The following AMER1 variants were observed in gnomAD, a reference collection of about 807,000 sequenced individuals.
AMER1 encodes the protein APC membrane recruitment protein 1.
In AMER1, 16 loss-of-function variants were observed where a neutral mutation model predicts 53.0. The ratio of observed to expected loss-of-function variants is 0.30; its 90% CI spans 0.20 to 0.46. The LOEUF is 0.46. AMER1 is among the 20% of genes least tolerant of loss of function. The pLI, the probability that AMER1 is intolerant of heterozygous loss-of-function variation, is 1.00. For synonymous variants in AMER1, 354 were observed against 331.9 expected (o/e 1.07, Z -0.73); for missense variants, 947 against 884.9 (o/e 1.07, Z -0.89).
rs1451705051 is a variant in AMER1, at chrX:64,188,820, T to C, written c.*1059A>G. The stretch of plus-strand genomic sequence containing the variant: ...CACTCCACAAAAACCCCAGCCCCTA[T>C]AGTCAAGCCTAATTTAGGTTGCTTC... On this transcript the variant is annotated 3_prime_UTR_variant, in exon 2 of 2. Coordinates refer to ENST00000374869, the MANE Select transcript of AMER1 (RefSeq NM_152424.4). 10 of 803,962 alleles carry C rather than the reference T, an allele frequency of 1.2e-5. No individual in the cohort carries two copies. The highest frequency in any genetic ancestry group is 7.0e-5 in the East Asian group (1 of 14,185). 66.3% of individuals were successfully genotyped at this position (803,962 alleles called of 1,213,427 possible). A position where few individuals can be genotyped will look rare whatever the true frequency, so the allele number is the denominator to read the frequency against.
At position 64,189,793 on chromosome X, in the gene AMER1, A is replaced by AGGGGCCCCCCCCCC; in HGVS notation, c.*85_*86insGGGGGGGGGGCCCC. 3.4e-6 allele frequency: 1 copy of AGGGGCCCCCCCCCC among 292,074 alleles called. No homozygotes were observed. Among genetic ancestry groups the AGGGGCCCCCCCCCC allele is most frequent in the Non-Finnish European group, 4.9e-6 (1 of 204,832 alleles). The allele number at this position is 292,074 out of a possible 1,213,427, so 24.1% of individuals were successfully genotyped here. A position where few individuals can be genotyped will look rare whatever the true frequency, so the allele number is the denominator to read the frequency against. ...CAAAGGGTTTTCAAGTTAAACAACAACCCCCACCCCCCCACCCTTCTGCCC... is the reference window on the plus strand; with the variant it reads ...CAAAGGGTTTTCAAGTTAAACAACAAGGGGCCCCCCCCCCCCCCCACCCCCCCACCCTTCTGCCC... On this transcript the variant is annotated 3_prime_UTR_variant, in exon 2 of 2. Transcript: ENST00000374869.
Position 64,188,535 on chromosome X carries a change from T to G in AMER1, c.*1344A>C. 2.5e-6 allele frequency: 2 copies of G among 804,563 alleles called. No individual in the cohort carries two copies. The highest frequency in any genetic ancestry group is 3.0e-6 in the Non-Finnish European group (2 of 670,233). The allele number at this position is 804,563 out of a possible 1,213,427, so 66.3% of individuals were successfully genotyped here. ...TGATGATGCTAAGGACTCGGCTAAT[T>G]GGAAGATAAAAGCTCTTTAAAGGGC... On this transcript the variant is annotated 3_prime_UTR_variant, in exon 2 of 2. Transcript: ENST00000374869.
Position 64,189,685 on chromosome X carries a change from C to G in AMER1, c.*194G>C, listed in dbSNP as rs1158200336. On this transcript the variant is annotated 3_prime_UTR_variant, in exon 2 of 2. Coordinates refer to ENST00000374869, the MANE Select transcript of AMER1 (RefSeq NM_152424.4). ...CAGCAGCAGCCTCCCTGGGCAGATG[C>G]ACTTGAGTTGAACGTGGCCATAGAT... is the stretch of plus-strand genomic sequence containing the variant. 9 of 1,080,072 alleles carry G rather than the reference C, an allele frequency of 8.3e-6. No homozygotes were observed. In the African/African-American group the frequency reaches 1.2e-4, roughly 14 times the overall value. 89.0% of individuals were successfully genotyped at this position (1,080,072 alleles called of 1,213,427 possible).
At position 64,189,793 on chromosome X, in the gene AMER1, A is replaced by AGGGGGGGGGGCCCCC; in HGVS notation, c.*85_*86insGGGGGCCCCCCCCCC. 1 of 292,073 alleles carries AGGGGGGGGGGCCCCC rather than the reference A, an allele frequency of 3.4e-6. No homozygotes were observed. Among genetic ancestry groups the AGGGGGGGGGGCCCCC allele is most frequent in the Non-Finnish European group, 4.9e-6 (1 of 204,831 alleles). 24.1% of individuals were successfully genotyped at this position (292,073 alleles called of 1,213,427 possible). The stretch of plus-strand genomic sequence containing the variant: ...CAAAGGGTTTTCAAGTTAAACAACA[A>AGGGGGGGGGGCCCCC]CCCCCACCCCCCCACCCTTCTGCCC... On this transcript the variant is annotated 3_prime_UTR_variant, in exon 2 of 2. Transcript: ENST00000374869.
In AMER1 at chrX:64,191,328, C is replaced by T. The variant is rs2147087059; in HGVS notation, c.1959G>A (p.Glu653=). 1 of 1,211,839 alleles carries T rather than the reference C, an allele frequency of 8.3e-7. No individual in the cohort carries two copies. The highest frequency in any genetic ancestry group is 1.8e-5 in the South Asian group (1 of 56,947). The change falls in exon 2 of 2, where the codon GAG becomes GAA. Residue 653 remains glutamate (E), a synonymous_variant. Transcript: ENST00000374869. ...ATGGGCCTAAGGGCCTCATCTGATA[C>T]TCTAAGACGGGCTTCTCCTGCCGGG... The part of the protein sequence containing the change: ...TQARQEKPVL[E]YQMRPLGPSV...
In AMER1 at chrX:64,189,120, A is replaced by AG. The variant is rs11380304; in HGVS notation, c.*758dup. On this transcript the variant is annotated 3_prime_UTR_variant, in exon 2 of 2. Coordinates refer to ENST00000374869, the MANE Select transcript of AMER1 (RefSeq NM_152424.4). ...TCTTTAACCCAAGCTATGGCAGGAC[A>AG]GTTAAAAGGCCCCCATCTGGTCATG... 50,924 of 796,794 alleles carry AG rather than the reference A, an allele frequency of 0.064. 11,975 individuals are homozygous for AG. In the African/African-American group the frequency reaches 0.83, roughly 13 times the overall value. 65.7% of individuals were successfully genotyped at this position (796,794 alleles called of 1,213,427 possible).
rs779310326 is a variant in AMER1, at chrX:64,192,658, G to A, written c.629C>T (p.Ser210Leu). 8.6e-7 allele frequency: 1 copy of A among 1,166,298 alleles called. No homozygotes were observed. Among genetic ancestry groups the A allele is most frequent in the South Asian group, 2.0e-5 (1 of 48,841 alleles). ...CTCAAAGCAGGGCACCTGAGGGGCT[G>A]AGCTCACGTGCTCATGAGGCCTGGC... The part of the protein sequence containing the change: ...VRARPHEHVS[S>L]APQVPCFEET... The change falls in exon 2 of 2, where the codon TCA (serine) becomes TTA (leucine). Residue 210 changes from serine to leucine, a missense_variant. Physicochemically the swap from Ser to Leu is moderately radical, Grantham distance 145. Coordinates refer to ENST00000374869, the MANE Select transcript of AMER1 (RefSeq NM_152424.4).
rs140017010 is a variant in AMER1, at chrX:64,188,342, G to A, written c.*1537C>T. 2.8e-4 allele frequency: 227 copies of A among 800,777 alleles called. No individual in the cohort carries two copies. In the East Asian group the frequency reaches 0.013, roughly 47 times the overall value. 66.0% of individuals were successfully genotyped at this position (800,777 alleles called of 1,213,427 possible). On this transcript the variant is annotated 3_prime_UTR_variant, in exon 2 of 2. Coordinates refer to ENST00000374869, the MANE Select transcript of AMER1 (RefSeq NM_152424.4). ...GAACCCTCTCCTACAGGTGATTAAT[G>A]AGAGGTTGAGCTTGGCAAGATTAGC...
rs929450435 is a variant in AMER1, at chrX:64,193,360, C to T, written c.-74G>A. The T allele has an allele frequency of 5.0e-6, 6 of 1,197,097 alleles. No individual in the cohort carries two copies. The highest frequency in any genetic ancestry group is 6.8e-6 in the Non-Finnish European group (6 of 886,659). On this transcript the variant is annotated 5_prime_UTR_variant, in exon 2 of 2. The change abolishes the stop of an existing upstream ORF in the 5' untranslated region. Transcript: ENST00000374869. ...CTTCCAGGCACTGTTATAACATTAT[C>T]AGTCAGGAAGCATCACAGTGGGGTC...
At chrX:64,205,142 G>A (rs1930571309) in intron 1 of AMER1, among the ~76,000 whole-genome samples, 1 of 113,805 alleles carries the variant, frequency 8.8e-6, no homozygotes, top group South Asian at 3.5e-4. Flanking sequence ...AGAGAGGGGT[G>A]AGCGGTACCC....
Position 64,187,348 on chromosome X carries a change from G to T in AMER1, c.*2531C>A, listed in dbSNP as rs1196339728. 1.3e-6 allele frequency: 1 copy of T among 791,210 alleles called. No homozygotes were observed. Among genetic ancestry groups the T allele is most frequent in the African/African-American group, 2.2e-5 (1 of 44,959 alleles). 65.2% of individuals were successfully genotyped at this position (791,210 alleles called of 1,213,427 possible). On this transcript the variant is annotated 3_prime_UTR_variant, in exon 2 of 2. Transcript: ENST00000374869. ...TTCCTGGGCTGGCTAGGGCAGTGAA[G>T]GGACTTGCAGGCAGCAAGGCTGTCC... is the stretch of plus-strand genomic sequence containing the variant.
Position 64,189,793 on chromosome X carries a change from A to ACCCG in AMER1, c.*85_*86insCGGG. 6.8e-6 allele frequency: 2 copies of ACCCG among 292,071 alleles called. No individual in the cohort carries two copies. The highest frequency in any genetic ancestry group is 9.8e-6 in the Non-Finnish European group (2 of 204,829). 24.1% of individuals were successfully genotyped at this position (292,071 alleles called of 1,213,427 possible). The stretch of plus-strand genomic sequence containing the variant: ...CAAAGGGTTTTCAAGTTAAACAACA[A>ACCCG]CCCCCACCCCCCCACCCTTCTGCCC... On this transcript the variant is annotated 3_prime_UTR_variant, in exon 2 of 2. Transcript: ENST00000374869.
Position 64,191,530 on chromosome X carries a change from C to T in AMER1, c.1757G>A (p.Arg586Gln), listed in dbSNP as rs1179031603. 6.6e-6 allele frequency: 8 copies of T among 1,210,590 alleles called. No homozygotes were observed. Among genetic ancestry groups the T allele is most frequent in the Admixed American group, 4.4e-5 (2 of 45,936 alleles). Residue 586 changes from arginine (R) to glutamine (Q), a missense_variant, in exon 2 of 2, where the codon CGA (arginine) becomes CAA (glutamine). Transcript: ENST00000374869. ...GTGGGCCTCCCTGGCATGAGCTTCTCGGGCACGTGCCTCCTGGGCCTCAAG... is the reference window on the plus strand; with the variant it reads ...GTGGGCCTCCCTGGCATGAGCTTCTTGGGCACGTGCCTCCTGGGCCTCAAG... ...EQLEAQEARA[R>Q]EAHAREAHAR...
rs2147089953 is a variant in AMER1 at position 64,192,583 on chromosome X, G to A, written c.704C>T (p.Pro235Leu). 3.4e-6 allele frequency: 4 copies of A among 1,189,846 alleles called. No homozygotes were observed. Among genetic ancestry groups the A allele is most frequent in the Non-Finnish European group, 4.5e-6 (4 of 887,948 alleles). The change falls in exon 2 of 2, where the codon CCT (proline) becomes CTT (leucine). Residue 235 changes from proline to leucine, a missense_variant. Transcript: ENST00000374869. ...RKENANPQDA[P>L]GPKVSPTPEP... ...TGGTGTTGGAGAAACTTTTGGCCCA[G>A]GGGCATCTTGGGGGTTAGCATTTTC...
intron 1 of AMER1, among the ~76,000 whole-genome samples, chrX:64,195,511 G>A (rs745537555): frequency 1.1e-4 from 12 of 112,171 alleles, no homozygotes; most frequent in African/African-American, 2.3e-4. Flanking sequence ...GGAAGTGACC[G>A]GCAGGCAGGA....
In AMER1 at chrX:64,189,885, G is replaced by A; in HGVS notation, c.3402C>T (p.Ala1134=). The A allele has an allele frequency of 9.5e-7, 1 of 1,052,862 alleles. No homozygotes were observed. Among genetic ancestry groups the A allele is most frequent in the South Asian group, 1.8e-5 (1 of 54,474 alleles). 86.8% of individuals were successfully genotyped at this position (1,052,862 alleles called of 1,213,427 possible). Residue 1134 remains alanine (A), a synonymous_variant, in exon 2 of 2, where the codon GCC becomes GCT. Transcript: ENST00000374869. The part of the protein sequence containing the change: ...YSSTAMNGNL[A]K Reference sequence around the variant, plus strand: ...ACTCCAGAATTGATAATAACTACTTGGCTAGGTTTCCATTCATGGCAGTGG... The same window carrying A: ...ACTCCAGAATTGATAATAACTACTTAGCTAGGTTTCCATTCATGGCAGTGG...
intron 1 of AMER1, among the ~76,000 whole-genome samples, chrX:64,204,265 C>A (rs1930548970): frequency 8.8e-6 from 1 of 113,719 alleles, no homozygotes; most frequent in Admixed American, 9.2e-5. Flanking sequence ...GCCCACGCCG[C>A]TGCAGCAGGC....
Position 64,189,415 on chromosome X carries a change from G to C in AMER1, c.*464C>G, listed in dbSNP as rs1161822350. ...GGGAAAGGGGCAGGGGGCACTAAAG[G>C]TTTAGCCTGTGTCAAGGATGCATGC... On this transcript the variant is annotated 3_prime_UTR_variant, in exon 2 of 2. Transcript: ENST00000374869. 9 of 769,055 alleles carry C rather than the reference G, an allele frequency of 1.2e-5. No individual in the cohort carries two copies. Among genetic ancestry groups the C allele is most frequent in the Non-Finnish European group, 1.4e-5 (9 of 651,407 alleles). 63.4% of individuals were successfully genotyped at this position (769,055 alleles called of 1,213,427 possible). A position where few individuals can be genotyped will look rare whatever the true frequency, so the allele number is the denominator to read the frequency against.
chrX:64,199,272 A>G (rs1027682792), intron 1 of AMER1, among the ~76,000 whole-genome samples: 1 of 112,141 alleles, frequency 8.9e-6, no homozygotes, highest in African/African-American at 3.2e-5. Flanking sequence ...TGGTCTGTTC[A>G]TTCATCTCTC....
Sources: gnomAD v4.1 joint callset for allele counts (sites outside exome capture counted in the v4.1 genomes callset) on GRCh38, gnomAD v4.1.1 for gene constraint, MANE v1.5 for transcripts, NCBI Gene and HGNC (gene_info 2026-07-23, HGNC 2026-07-21) for gene names.